GCLC: variants seen among roughly 807,000 people sequenced by gnomAD.
GCLC encodes the protein glutamate-cysteine ligase catalytic subunit, also known as glutamate--cysteine ligase catalytic subunit.
Under a neutral mutation model 81.5 loss-of-function variants are expected in GCLC, and 30 were observed. The observed-to-expected ratio is 0.37, with a 90% confidence interval of 0.28 to 0.50. GCLC has a LOEUF of 0.50. Ranked by LOEUF, GCLC falls within the 20% of genes least tolerant of loss-of-function variation. GCLC has a pLI of 0.96. For synonymous variants in GCLC, 262 were observed against 273.3 expected (o/e 0.96, Z 0.41); for missense variants, 556 against 777.4 (o/e 0.72, Z 3.39).
chr6:53,535,298 T>C (rs1167359341), intron 1 of GCLC, among the ~76,000 whole-genome samples: 2 of 152,228 alleles, frequency 1.3e-5, no homozygotes, highest in African/African-American at 4.8e-5. Flanking sequence ...GCGGACTGCC[T>C]GAGCTCAGGA....
intron 1 of GCLC, among the ~76,000 whole-genome samples, chr6:53,538,375 G>A (rs1763294345): frequency 6.7e-6 from 1 of 149,770 alleles, no homozygotes. Flanking sequence ...CGCCCAGGCT[G>A]GAGTGCAGTG....
intron 1 of GCLC, among the ~76,000 whole-genome samples, chr6:53,524,867 A>G (rs1763054736): frequency 2.0e-5 from 3 of 152,188 alleles, no homozygotes; most frequent in Non-Finnish European, 4.4e-5. Flanking sequence ...TTTCAAATTC[A>G]CTCTTAGCCC....
intron 1 of GCLC, chr6:53,523,886 G>A (rs1450610002): frequency 6.6e-6 from 1 of 152,154 alleles, no homozygotes; most frequent in Non-Finnish European, 1.5e-5. Flanking sequence ...CTCAAGAAAT[G>A]GAAAAGTCTG....
intron 1 of GCLC, among the ~76,000 whole-genome samples, chr6:53,540,270 A>C (rs1412726935): frequency 6.6e-6 from 1 of 151,930 alleles, no homozygotes; most frequent in African/African-American, 2.4e-5. Context: ...GTTCACTGAC[A>C]GAAGAATGAA....
intron 6 of GCLC, among the ~76,000 whole-genome samples, chr6:53,512,794 A>G (rs1365302861): frequency 6.6e-6 from 1 of 152,222 alleles, no homozygotes; most frequent in Non-Finnish European, 1.5e-5. Context: ...TCCCTTTGGA[A>G]CCATATCAGA....
rs1177054741 is a variant in GCLC, at chr6:53,544,631, G to C, written c.15C>G (p.Ser5=). ...CCTCCCAGCTCAGCGGCGAGCCCTG[G>C]GACAGCAGCCCCATGGCCGCCCCCT... The part of the protein sequence containing the change: MGLL[S]QGSPLSWEET... The change falls in exon 1 of 16, where the codon TCC becomes TCG. Residue 5 remains serine (S), a synonymous_variant. Coordinates refer to ENST00000650454, the MANE Select transcript of GCLC (RefSeq NM_001498.4). 7 of 1,598,656 alleles carry C rather than the reference G, an allele frequency of 4.4e-6. No homozygotes were observed. The highest frequency in any genetic ancestry group is 5.9e-6 in the Non-Finnish European group (7 of 1,178,926).
chr6:53,524,129 C>T (rs1326822834), intron 1 of GCLC, among the ~76,000 whole-genome samples: 7 of 152,194 alleles, frequency 4.6e-5, no homozygotes, highest in Non-Finnish European at 8.8e-5. Context: ...TTTAAATAAG[C>T]ATAATGAGAA....
chr6:53,506,966 G>C lies in GCLC; in HGVS notation c.1144C>G (p.Leu382Val), dbSNP rs768852508. Residue 382 changes from leucine (L) to valine (V), a missense_variant, in exon 10 of 16, where the codon CTG becomes GTG. Leu to Val is a conservative substitution (Grantham distance 32, BLOSUM62 1). Transcript: ENST00000650454. The surrounding 1 kb of genome is among the most constrained non-coding windows in gnomAD (Gnocchi z 4.0). ...AHLFIRDPLT[L>V]FEEKIHLDDA... ...TCCAGGTGTATTTTCTCTTCAAACA[G>C]TGTCAGTGGGTCTCTAATAAAGAGA... 1 of 1,611,480 alleles carries C rather than the reference G, an allele frequency of 6.2e-7. No individual in the cohort carries two copies. The highest frequency in any genetic ancestry group is 8.5e-7 in the Non-Finnish European group (1 of 1,177,610).
At chr6:53,543,649 A>G (rs1335658329) in intron 1 of GCLC, among the ~76,000 whole-genome samples, 1 of 152,242 alleles carries the variant, frequency 6.6e-6, no homozygotes, top group African/African-American at 2.4e-5. Context: ...ATACACACGT[A>G]ATTTTCAAAA....
At chr6:53,520,694 G>A in intron 3 of GCLC, 84 bp downstream of exon 3, 1 of 1,079,234 alleles carries the variant, frequency 9.3e-7, no homozygotes, top group Non-Finnish European at 1.4e-6. Context: ...GGATTGTAAG[G>A]TGGAATGCCC....
Position 53,509,245 on chromosome 6 carries a change from T to A in GCLC, c.759A>T (p.Thr253=). ...FGMGNCCLQV[T]FQACSISEAR... is the part of the protein sequence containing the mutation. ...CCTCAGATATACTGCAGGCTTGGAA[T>A]GTCACCTGTTTAAGAATTGCAAAGT... Residue 253 remains threonine (T), a synonymous_variant, in exon 7 of 16, where the codon ACA becomes ACT. Transcript: ENST00000650454. 1.9e-5 allele frequency: 30 copies of A among 1,595,444 alleles called. No individual in the cohort carries two copies. The highest frequency in any genetic ancestry group is 2.5e-5 in the Non-Finnish European group (29 of 1,163,028).
intron 3 of GCLC, among the ~76,000 whole-genome samples, chr6:53,518,913 C>G (rs1478027562): frequency 6.6e-6 from 1 of 152,180 alleles, no homozygotes; most frequent in Non-Finnish European, 1.5e-5. Flanking sequence ...ATAGCAAAAG[C>G]CTTGATGTGT....
At chr6:53,537,473 G>C (rs948666848) in intron 1 of GCLC, among the ~76,000 whole-genome samples, 6 of 152,154 alleles carry the variant, frequency 3.9e-5, no homozygotes, top group Admixed American at 3.9e-4. Context: ...AGCCTAGCCT[G>C]AGCCTGTGTC....
At chr6:53,516,367 T>A (rs1764871854) in intron 3 of GCLC, 145 bp from the exon 4 acceptor site, 21 of 663,640 alleles carry the variant, frequency 3.2e-5, no homozygotes, top group Middle Eastern at 3.5e-4. Context: ...ACAGATGTTG[T>A]GTAAATACTG....
At chr6:53,515,147 T>C (rs889967031) in intron 4 of GCLC, among the ~76,000 whole-genome samples, 1 of 152,248 alleles carries the variant, frequency 6.6e-6, no homozygotes, top group Non-Finnish European at 1.5e-5. Context: ...TTGGACGTTT[T>C]GGGTTAAACA....
chr6:53,504,595 G>A (rs1056553610), intron 12 of GCLC, among the ~76,000 whole-genome samples: 1 of 152,186 alleles, frequency 6.6e-6, no homozygotes, highest in Non-Finnish European at 1.5e-5. Flanking sequence ...TTTGGTCTGG[G>A]TGTGAGGAGC....
At chr6:53,522,557 C>T in intron 1 of GCLC, 30 bp from the exon 2 acceptor site, 1 of 1,387,916 alleles carries the variant, frequency 7.2e-7, no homozygotes, top group Non-Finnish European at 1.0e-6. Context: ...GAAAAATTAA[C>T]ATTCTTCCAG....
chr6:53,511,782 G>A (rs961250588), intron 6 of GCLC, among the ~76,000 whole-genome samples: 5 of 147,536 alleles, frequency 3.4e-5, no homozygotes, highest in Admixed American at 6.7e-5. Flanking sequence ...AATGTTGCTA[G>A]GAAACTGATG....
Position 53,544,929 on chromosome 6 carries a change from C to G in GCLC, c.-284G>C. ...CTCGGCCCGGCGGCCTCGCCCTCCC[C>G]GCTGCTCCTCCTCCCGCTCCGATGC... is the stretch of plus-strand genomic sequence containing the variant. On this transcript the variant is annotated 5_prime_UTR_variant, in exon 1 of 16. Transcript: ENST00000650454. The G allele has an allele frequency of 3.9e-6, 1 of 254,834 alleles. No homozygotes were observed. Among genetic ancestry groups the G allele is most frequent in the Non-Finnish European group, 7.4e-6 (1 of 134,930 alleles). 15.8% of individuals were successfully genotyped at this position (254,834 alleles called of 1,614,324 possible).
Sources: allele counts gnomAD v4.1 joint callset (sites outside exome capture counted in the v4.1 genomes callset), GRCh38; gene constraint gnomAD v4.1.1; non-coding constraint Gnocchi (gnomAD v3.1); transcripts MANE v1.5; gene names NCBI Gene and HGNC (gene_info 2026-07-23, HGNC 2026-07-21).